The following GRID1 variants were observed in gnomAD, a reference collection of about 807,000 sequenced individuals.
GRID1 encodes the protein glutamate receptor ionotropic, delta-1.
In GRID1, 28 loss-of-function variants were observed where a neutral mutation model predicts 98.0. The ratio of observed to expected loss-of-function variants is 0.29; its 90% CI spans 0.21 to 0.39. GRID1 has a LOEUF of 0.39. GRID1 is among the 10% of genes least tolerant of loss of function. The pLI, the probability that GRID1 is intolerant of heterozygous loss-of-function variation, is 1.00. For synonymous variants in GRID1, 553 were observed against 538.5 expected (o/e 1.03, Z -0.37); for missense variants, 1,111 against 1,340.5 (o/e 0.83, Z 2.67).
At chr10:85,958,211 T>A (rs191073166) in intron 4 of GRID1, among the ~76,000 whole-genome samples, 2 of 152,232 alleles carry the variant, frequency 1.3e-5, no homozygotes, top group Non-Finnish European at 2.9e-5. Context: ...GTAACTTTTT[T>A]ACTGATGACA....
At chr10:85,819,967 GAGGAAGGAAGGAAGGAAGGAAGGA>G (rs544578610) in intron 8 of GRID1, among the ~76,000 whole-genome samples, 25 of 88,442 alleles carry the variant, frequency 2.8e-4, no homozygotes, top group Admixed American at 1.1e-3. Flanking sequence ...GAGAAAGAGA[GAGGAAGGAAGGAAGGAAGGAAGGA>G]AGGAAGGAAG....
chr10:86,180,779 T>G (rs1845644526), intron 3 of GRID1, among the ~76,000 whole-genome samples: 2 of 152,188 alleles, frequency 1.3e-5, no homozygotes, highest in Admixed American at 1.3e-4. Flanking sequence ...GCCCGGGAAC[T>G]GGGCTGTGAA....
At chr10:85,913,587 C>T (rs1285348048) in intron 5 of GRID1, among the ~76,000 whole-genome samples, 1 of 152,030 alleles carries the variant, frequency 6.6e-6, no homozygotes, top group Non-Finnish European at 1.5e-5. Flanking sequence ...GTCGGGAGTT[C>T]GAGGCCAGCC....
At chr10:86,190,279 T>C (rs1423042717) in intron 3 of GRID1, among the ~76,000 whole-genome samples, 1 of 152,148 alleles carries the variant, frequency 6.6e-6, no homozygotes, top group Admixed American at 6.5e-5. Flanking sequence ...CCGGGACTGA[T>C]TTCTAGTCAC....
chr10:85,853,653 G>A (rs115086984), intron 8 of GRID1, among the ~76,000 whole-genome samples: 1,832 of 152,326 alleles, frequency 0.012, 35 homozygotes, highest in African/African-American at 0.041. Context: ...AGGACAGCCA[G>A]CCACTGACCA....
intron 3 of GRID1, among the ~76,000 whole-genome samples, chr10:86,143,653 T>C (rs1266646357): frequency 6.6e-6 from 1 of 152,164 alleles, no homozygotes; most frequent in Non-Finnish European, 1.5e-5. Context: ...CTGGGGAAGT[T>C]TGCTGACTGA....
intron 2 of GRID1, among the ~76,000 whole-genome samples, chr10:86,278,178 G>A (rs944143127): frequency 6.6e-6 from 1 of 152,048 alleles, no homozygotes; most frequent in African/African-American, 2.4e-5. Context: ...TACATCCAAA[G>A]ATATAAGTAG....
chr10:86,091,846 C>T (rs563510616), intron 4 of GRID1, among the ~76,000 whole-genome samples: 2 of 152,318 alleles, frequency 1.3e-5, no homozygotes, highest in Admixed American at 6.5e-5. Flanking sequence ...AGCCCCGAGC[C>T]GGGTAGACTC....
At chr10:86,345,983 C>T (rs770394222) in intron 2 of GRID1, among the ~76,000 whole-genome samples, 1 of 152,244 alleles carries the variant, frequency 6.6e-6, no homozygotes, top group Non-Finnish European at 1.5e-5. Flanking sequence ...TCAGAAGTCA[C>T]TTCTTCCAGG....
chr10:85,995,417 C>T (rs944536951), intron 4 of GRID1, among the ~76,000 whole-genome samples: 3 of 152,114 alleles, frequency 2.0e-5, no homozygotes, highest in African/African-American at 7.2e-5. Flanking sequence ...GAGTTTCGGA[C>T]CCCCACTCAC....
At chr10:86,253,952 C>A (rs752681450) in intron 2 of GRID1, among the ~76,000 whole-genome samples, 5 of 152,190 alleles carry the variant, frequency 3.3e-5, no homozygotes, top group Non-Finnish European at 7.3e-5. Flanking sequence ...GCAGCACCTG[C>A]CCTCACCACC....
At chr10:86,357,144 A>G (rs1464800470) in intron 2 of GRID1, among the ~76,000 whole-genome samples, 2 of 152,092 alleles carry the variant, frequency 1.3e-5, no homozygotes, top group African/African-American at 2.4e-5. Flanking sequence ...CCCTGCCCAC[A>G]CCTCAGGTCC....
intron 8 of GRID1, among the ~76,000 whole-genome samples, chr10:85,835,228 G>C (rs1268857142): frequency 6.6e-6 from 1 of 152,160 alleles, no homozygotes; most frequent in African/African-American, 2.4e-5. Flanking sequence ...CATAATTATA[G>C]TTGGGGACAT....
intron 4 of GRID1, among the ~76,000 whole-genome samples, chr10:85,997,353 C>G (rs911516828): frequency 6.6e-6 from 1 of 151,302 alleles, no homozygotes; most frequent in Non-Finnish European, 1.5e-5. Flanking sequence ...GAGCCAAGAT[C>G]GCGCCACTGT....
chr10:85,922,898 T>C (rs1219495725), intron 4 of GRID1, among the ~76,000 whole-genome samples: 1 of 152,112 alleles, frequency 6.6e-6, no homozygotes, highest in Non-Finnish European at 1.5e-5. Context: ...CCTGGGGGCC[T>C]GCCTGCTTGG....
intron 8 of GRID1, among the ~76,000 whole-genome samples, chr10:85,772,471 T>C (rs1489374320): frequency 6.6e-6 from 1 of 150,864 alleles, no homozygotes; most frequent in African/African-American, 2.5e-5. Context: ...ATAACTAAAA[T>C]CAGAGCAGAA....
At chr10:85,712,829 T>C (rs952692341) in intron 12 of GRID1, among the ~76,000 whole-genome samples, 5 of 151,170 alleles carry the variant, frequency 3.3e-5, no homozygotes, top group Admixed American at 1.3e-4. Flanking sequence ...AAGTAGATCA[T>C]AGAAAAAATC....
chr10:85,718,060 T>C (rs993038029), intron 12 of GRID1, among the ~76,000 whole-genome samples: 2 of 152,214 alleles, frequency 1.3e-5, no homozygotes, highest in African/African-American at 4.8e-5. Flanking sequence ...GCTGCTTTCA[T>C]GGGCTGGCAT....
intron 4 of GRID1, among the ~76,000 whole-genome samples, chr10:85,939,474 G>A (rs576511780): frequency 6.6e-6 from 1 of 152,266 alleles, no homozygotes; most frequent in East Asian, 1.9e-4. Context: ...CCCTAGGATA[G>A]AGTGTGCTTC....
Sources: allele counts gnomAD v4.1 joint callset (sites outside exome capture counted in the v4.1 genomes callset), GRCh38; gene constraint gnomAD v4.1.1; transcripts MANE v1.5; gene names NCBI Gene and HGNC (gene_info 2026-07-23, HGNC 2026-07-21).